The following PTPRD variants were observed in gnomAD, a reference collection of about 807,000 sequenced individuals.
PTPRD encodes the protein receptor-type tyrosine-protein phosphatase delta.
PTPRD carries 34 observed loss-of-function variants against 214.5 expected under a neutral mutation model. The ratio of observed to expected loss-of-function variants is 0.16; its 90% CI spans 0.12 to 0.21. PTPRD has a LOEUF of 0.21. PTPRD is among the 10% of genes least tolerant of loss of function. The pLI, the probability that PTPRD is intolerant of heterozygous loss-of-function variation, is 1.00. For missense variants in PTPRD, 2,545 were observed against 2,398.7 expected (o/e 1.06, Z -1.27); for synonymous variants, 1,128 against 845.7 (o/e 1.33, Z -5.79).
At chr9:9,160,863 T>C (rs1488096361) in intron 10 of PTPRD, among the ~76,000 whole-genome samples, 1 of 152,190 alleles carries the variant, frequency 6.6e-6, no homozygotes, top group Non-Finnish European at 1.5e-5. Context: ...AAGGAAATTC[T>C]GTCATTTTCA....
intron 7 of PTPRD, among the ~76,000 whole-genome samples, chr9:9,616,048 C>G (rs1031624588): frequency 4.6e-5 from 7 of 152,084 alleles, no homozygotes. Context: ...AATGCATTAG[C>G]CTGTAGTGCT....
chr9:10,608,847 G>C (rs915061201), intron 2 of PTPRD, among the ~76,000 whole-genome samples: 6 of 152,130 alleles, frequency 3.9e-5, no homozygotes, highest in Middle Eastern at 3.4e-3. Flanking sequence ...TACAGTTAAT[G>C]TCTACATTGT....
chr9:8,879,850 C>A (rs1025920385), intron 11 of PTPRD, among the ~76,000 whole-genome samples: 1 of 152,130 alleles, frequency 6.6e-6, no homozygotes, highest in Non-Finnish European at 1.5e-5. Flanking sequence ...TGAGACTGCT[C>A]TAAGCACCCC....
At chr9:9,442,699 G>C (rs993763338) in intron 8 of PTPRD, among the ~76,000 whole-genome samples, 26 of 152,120 alleles carry the variant, frequency 1.7e-4, no homozygotes, top group South Asian at 2.1e-4. Flanking sequence ...TTCTGAAGCT[G>C]TAAATCAAAA....
chr9:8,424,657 A>G (rs923162219), intron 35 of PTPRD, among the ~76,000 whole-genome samples: 1 of 25,186 alleles, frequency 4.0e-5, no homozygotes, highest in African/African-American at 1.8e-4. Flanking sequence ...ACTCTGTTAA[A>G]CTGGCAGAAA....
chr9:10,029,228 G>T (rs904099719), intron 4 of PTPRD, among the ~76,000 whole-genome samples: 1 of 152,192 alleles, frequency 6.6e-6, no homozygotes, highest in Non-Finnish European at 1.5e-5. Context: ...CAGGGGTGGG[G>T]TGCTCATGGA....
intron 30 of PTPRD, among the ~76,000 whole-genome samples, chr9:8,481,147 A>T (rs1392962975): frequency 4.0e-5 from 6 of 150,396 alleles, no homozygotes; most frequent in Admixed American, 4.0e-4. Flanking sequence ...CTCAAAAAAA[A>T]AAAAAAAAAA....
chr9:10,137,804 A>G (rs1209113406), intron 3 of PTPRD, among the ~76,000 whole-genome samples: 1 of 152,118 alleles, frequency 6.6e-6, no homozygotes, highest in Non-Finnish European at 1.5e-5. Flanking sequence ...TTGGTAAACA[A>G]CAAAATTAAG....
At chr9:9,739,490 AAAGT>A (rs1214656462) in intron 6 of PTPRD, among the ~76,000 whole-genome samples, 1 of 152,020 alleles carries the variant, frequency 6.6e-6, no homozygotes, top group Non-Finnish European at 1.5e-5. Flanking sequence ...TGTTTTTAGA[AAAGT>A]AATTTCTAAC....
intron 39 of PTPRD, among the ~76,000 whole-genome samples, chr9:8,359,186 T>C (rs1307019451): frequency 1.4e-5 from 2 of 146,678 alleles, no homozygotes; most frequent in Non-Finnish European, 3.0e-5. Flanking sequence ...ATCTTAGAGA[T>C]CTGGTGGTTC....
At chr9:10,133,293 T>C (rs2098915636) in intron 3 of PTPRD, among the ~76,000 whole-genome samples, 4 of 151,366 alleles carry the variant, frequency 2.6e-5, no homozygotes, top group Admixed American at 2.6e-4. Context: ...AGAAAGAAAA[T>C]AAAGAAAAAA....
chr9:9,586,771 T>C (rs943418373), intron 7 of PTPRD, among the ~76,000 whole-genome samples: 1 of 152,004 alleles, frequency 6.6e-6, no homozygotes, highest in Non-Finnish European at 1.5e-5. Flanking sequence ...GGTATGACTG[T>C]TAAAAACAGA....
chr9:9,909,317 G>GT (rs71308854), intron 5 of PTPRD, among the ~76,000 whole-genome samples: 26,151 of 138,144 alleles, frequency 0.19, 2,618 homozygotes, highest in East Asian at 0.44. Context: ...TAATCTGAAA[G>GT]TTTTTTTTTT....
Position 10,278,483 on chromosome 9 carries a change from C to T in PTPRD, c.-545+62480G>A, listed in dbSNP as rs1026866693. On this transcript the variant is annotated intron_variant, in intron 3 of 45. Coordinates refer to ENST00000381196, the MANE Select transcript of PTPRD (RefSeq NM_002839.4). ...AAAATCAGACAACTTCTGGCTTCAT[C>T]TAATTTGCACATAGTAATAAGATTC... 2.1e-4 allele frequency among the ~76,000 whole-genome samples: 32 copies of T among 152,230 alleles called. 1 individual carries two copies. The highest frequency in any genetic ancestry group is 1.4e-3 in the Admixed American group (21 of 15,284).
chr9:9,635,956 T>A (rs1225068544), intron 7 of PTPRD, among the ~76,000 whole-genome samples: 1 of 152,164 alleles, frequency 6.6e-6, no homozygotes, highest in Non-Finnish European at 1.5e-5. Context: ...GATATTGCAA[T>A]GACTCTCCAT....
rs537200184 is a variant in PTPRD at position 10,136,891 on chromosome 9, G to A, written c.-544-103101C>T. On this transcript the variant is annotated intron_variant, in intron 3 of 45. Coordinates refer to ENST00000381196, the MANE Select transcript of PTPRD (RefSeq NM_002839.4). Reference sequence around the variant, plus strand: ...CAACCCCATCAAAAAGTGGGTGAAGGACATGAACAGACACTTCTCAAAAGA... The same window carrying A: ...CAACCCCATCAAAAAGTGGGTGAAGAACATGAACAGACACTTCTCAAAAGA... Among the ~76,000 whole-genome samples, 19 of 11,416 alleles carry A rather than the reference G, an allele frequency of 1.7e-3. 3 individuals carry two copies. The highest frequency in any genetic ancestry group is 5.0e-3 in the African/African-American group (17 of 3,404). 7.5% of individuals were successfully genotyped at this position (11,416 alleles called of 152,430 possible). A position where few individuals can be genotyped will look rare whatever the true frequency, so the allele number is the denominator to read the frequency against.
At chr9:10,382,927 A>G (rs2097850352) in intron 2 of PTPRD, among the ~76,000 whole-genome samples, 1 of 147,946 alleles carries the variant, frequency 6.8e-6, no homozygotes, top group Non-Finnish European at 1.5e-5. Flanking sequence ...GAGGAGAGAG[A>G]CCGTCCCTTT....
intron 34 of PTPRD, among the ~76,000 whole-genome samples, chr9:8,447,504 G>C (rs2095779597): frequency 6.6e-6 from 1 of 152,118 alleles, no homozygotes; most frequent in South Asian, 2.1e-4. Flanking sequence ...TCTTGAGTTT[G>C]GCCATATTTG....
intron 2 of PTPRD, among the ~76,000 whole-genome samples, chr9:10,475,800 C>T (rs2099058874): frequency 2.0e-5 from 3 of 151,998 alleles, no homozygotes; most frequent in Admixed American, 1.3e-4. Context: ...CGGTTTCATC[C>T]CCAGGATGCA....
Sources: allele counts gnomAD v4.1 joint callset (sites outside exome capture counted in the v4.1 genomes callset), GRCh38; gene constraint gnomAD v4.1.1; transcripts MANE v1.5; gene names NCBI Gene and HGNC (gene_info 2026-07-23, HGNC 2026-07-21).